The following GLIPR1 variants were observed in gnomAD, a reference collection of about 807,000 sequenced individuals.
GLIPR1 encodes the protein GLI pathogenesis related 1, also known as glioma pathogenesis-related protein 1.
Under a neutral mutation model 30.3 loss-of-function variants are expected in GLIPR1, and 38 were observed. The ratio of observed to expected loss-of-function variants is 1.26; its 90% CI spans 0.97 to 1.65. GLIPR1 has a LOEUF of 1.65. Among genes scored for constraint, GLIPR1 ranks in the 40% most tolerant of loss-of-function variants. The pLI is 0.00. For synonymous variants in GLIPR1, 122 were observed against 110.6 expected, an observed-to-expected ratio of 1.10 and a Z score of -0.65; for missense variants, 285 against 326.5, an observed-to-expected ratio of 0.87 and a Z score of 0.98.
chr12:75,485,929 G>A (rs2046292312), intron 2 of GLIPR1, among the ~76,000 whole-genome samples: 1 of 152,074 alleles, frequency 6.6e-6, no homozygotes, highest in South Asian at 2.1e-4. Context: ...AGCTCATACC[G>A]AGAATTGAAA....
chr12:75,498,450 T>C, intron 4 of GLIPR1: 1 of 375,714 alleles, frequency 2.7e-6, no homozygotes. Flanking sequence ...TGATTTTCCA[T>C]TTATAGTAAT....
intron 3 of GLIPR1, chr12:75,493,080 G>A (rs966284427): frequency 2.0e-5 from 3 of 152,106 alleles, no homozygotes; most frequent in Admixed American, 6.6e-5. Flanking sequence ...TGGTGCCCTC[G>A]GTCTGCTAAA....
chr12:75,481,691 C>T lies in GLIPR1; in HGVS notation c.175-143C>T, dbSNP rs1184807510. On this transcript the variant is annotated intron_variant, in intron 1 of 5. Coordinates refer to ENST00000266659, the MANE Select transcript of GLIPR1 (RefSeq NM_006851.3). ...CGTTTCCTACCAGCCCTACTCAGTG[C>T]TTGAAGACCATATTTATAGAGGACT... The T allele has an allele frequency of 6.9e-6, 5 of 719,932 alleles. No homozygotes were observed. The East Asian group carries it at 9.9e-5, about 14-fold the overall frequency. The allele number at this position is 719,932 out of a possible 1,614,324, so 44.6% of individuals were successfully genotyped here.
intron 2 of GLIPR1, among the ~76,000 whole-genome samples, chr12:75,490,170 T>A (rs536385214): frequency 6.7e-6 from 1 of 149,350 alleles, no homozygotes; most frequent in East Asian, 2.0e-4. Flanking sequence ...TATTTCTTCA[T>A]TGTACTGTCA....
In GLIPR1 at chr12:75,498,963, A is replaced by AG; in HGVS notation, c.787dup (p.Val263GlyfsTer28). 6.3e-7 allele frequency: 1 copy of AG among 1,597,532 alleles called. No individual in the cohort carries two copies. The highest frequency in any genetic ancestry group is 8.5e-7 in the Non-Finnish European group (1 of 1,173,488). ...TGGTACAGCACAAGTACCCTAATTT[A>AG]GTTCTTTTGGACTAATACAATTCAG... On this transcript the variant is annotated frameshift_variant, in exon 6 of 6. Coordinates refer to ENST00000266659, the MANE Select transcript of GLIPR1 (RefSeq NM_006851.3). LOFTEE classifies it high-confidence loss of function.
At chr12:75,496,738 G>T (rs2046353931) in intron 4 of GLIPR1, 1 of 152,128 alleles carries the variant, frequency 6.6e-6, no homozygotes, top group Admixed American at 6.5e-5. Flanking sequence ...ACGAAATTTA[G>T]TTTGGAAAAA....
intron 2 of GLIPR1, among the ~76,000 whole-genome samples, chr12:75,489,310 T>C (rs1359313837): frequency 6.6e-6 from 1 of 152,216 alleles, no homozygotes; most frequent in Non-Finnish European, 1.5e-5. Flanking sequence ...CCTACATCAC[T>C]GACCACTCCT....
intron 2 of GLIPR1, chr12:75,483,322 C>G (rs1012516544): frequency 8.5e-5 from 13 of 152,084 alleles, no homozygotes; most frequent in African/African-American, 3.1e-4. Flanking sequence ...TTTAAATACT[C>G]AGAAATAATT....
At chr12:75,496,661 C>CA (rs2046353418) in intron 4 of GLIPR1, 1 of 152,240 alleles carries the variant, frequency 6.6e-6, no homozygotes, top group Admixed American at 6.5e-5. Context: ...AAACTGAACT[C>CA]AGAGCAGCCG....
intron 3 of GLIPR1, chr12:75,493,163 G>T (rs2120543946): frequency 6.6e-6 from 1 of 152,314 alleles, no homozygotes; most frequent in Non-Finnish European, 1.5e-5. Flanking sequence ...GTTTACATAA[G>T]AAGTCATTCA....
intron 2 of GLIPR1, among the ~76,000 whole-genome samples, chr12:75,485,602 G>C (rs1234888853): frequency 6.7e-6 from 1 of 149,076 alleles, no homozygotes; most frequent in Non-Finnish European, 1.5e-5. Flanking sequence ...CCAGGCTGGA[G>C]TGCAGTGGCG....
intron 2 of GLIPR1, among the ~76,000 whole-genome samples, chr12:75,490,094 C>T (rs937674259): frequency 2.0e-5 from 3 of 151,940 alleles, no homozygotes; most frequent in African/African-American, 7.3e-5. Context: ...TCAAATGCTT[C>T]CTCTGAACAC....
At position 75,499,880 on chromosome 12, in the gene GLIPR1, C is replaced by G. The variant is rs2046379436; in HGVS notation, c.*902C>G. On this transcript the variant is annotated 3_prime_UTR_variant, in exon 6 of 6. Coordinates refer to ENST00000266659, the MANE Select transcript of GLIPR1 (RefSeq NM_006851.3). ...GCAATTTCTTCAGCTGTAAGAGCTCCCAGTTTCTTATTCTTTGCTTTCTTA... is the reference window on the plus strand; with the variant it reads ...GCAATTTCTTCAGCTGTAAGAGCTCGCAGTTTCTTATTCTTTGCTTTCTTA... The G allele has an allele frequency of 6.2e-7, 1 of 1,608,972 alleles. No individual in the cohort carries two copies. The highest frequency in any genetic ancestry group is 1.3e-5 in the African/African-American group (1 of 74,572).
In GLIPR1 at chr12:75,499,944, A is replaced by G; in HGVS notation, c.*966A>G. ...TGCTGGCCACATCAATTTTAGTTTC[A>G]GTAGAAGCTAGACAAATTAAAAGCA... On this transcript the variant is annotated 3_prime_UTR_variant, in exon 6 of 6. Transcript: ENST00000266659. The G allele has an allele frequency of 6.3e-7, 1 of 1,598,636 alleles. No individual in the cohort carries two copies.
Position 75,485,533 on chromosome 12 carries a change from T to TTTTTTTTA in GLIPR1, c.420+3457_420+3458insTTTTATTT, listed in dbSNP as rs1555239139. On this transcript the variant is annotated intron_variant, in intron 2 of 5. Coordinates refer to ENST00000266659, the MANE Select transcript of GLIPR1 (RefSeq NM_006851.3). Reference sequence around the variant, plus strand: ...TCCTCTCACCCTCTTGACAGCTTTATTTTATTTATTTATTTATTTATTTAT... The same window carrying TTTTTTTTA: ...TCCTCTCACCCTCTTGACAGCTTTATTTTTTTTATTTATTTATTTATTTATTTATTTAT... Among the ~76,000 whole-genome samples the TTTTTTTTA allele has an allele frequency of 5.3e-4, 59 of 110,498 alleles. No individual in the cohort carries two copies. In the East Asian group the frequency reaches 0.013, roughly 25 times the overall value. The allele number at this position is 110,498 out of a possible 152,430, so 72.5% of individuals were successfully genotyped here. A position where few individuals can be genotyped will look rare whatever the true frequency, so the allele number is the denominator to read the frequency against.
intron 2 of GLIPR1, among the ~76,000 whole-genome samples, chr12:75,487,993 C>T (rs2046301407): frequency 6.6e-6 from 1 of 152,136 alleles, no homozygotes; most frequent in Admixed American, 6.5e-5. Flanking sequence ...GGGTAACTTC[C>T]TGACGTTGCC....
At chr12:75,488,785 CTCA>C (rs1371041708) in intron 2 of GLIPR1, among the ~76,000 whole-genome samples, 1 of 152,164 alleles carries the variant, frequency 6.6e-6, no homozygotes, top group African/African-American at 2.4e-5. Flanking sequence ...CCAGCTCCAC[CTCA>C]TTTCTTCAGA....
rs779958589 is a variant in GLIPR1, at chr12:75,499,954, A to G, written c.*976A>G. ...ATCAATTTTAGTTTCAGTAGAAGCT[A>G]GACAAATTAAAAGCACAACACATGT... On this transcript the variant is annotated 3_prime_UTR_variant, in exon 6 of 6. Coordinates refer to ENST00000266659, the MANE Select transcript of GLIPR1 (RefSeq NM_006851.3). 1 of 1,589,840 alleles carries G rather than the reference A, an allele frequency of 6.3e-7. No individual in the cohort carries two copies. The highest frequency in any genetic ancestry group is 8.5e-7 in the Non-Finnish European group (1 of 1,172,936).
At position 75,482,416 on chromosome 12, in the gene GLIPR1, T is replaced by C. The variant is rs2046275502; in HGVS notation, c.420+337T>C. On this transcript the variant is annotated intron_variant, in intron 2 of 5. Transcript: ENST00000266659. ...TTCCAGCTGTAGCATGAGTTTTAAA[T>C]GAAATTTGAGCCAATTGTTTTGGGA... Among the ~76,000 whole-genome samples the C allele has an allele frequency of 2.6e-5, 4 of 152,198 alleles. No homozygotes were observed. In the South Asian group the frequency reaches 8.3e-4, roughly 31 times the overall value.
Sources: allele counts gnomAD v4.1 joint callset (sites outside exome capture counted in the v4.1 genomes callset), GRCh38; gene constraint gnomAD v4.1.1; transcripts MANE v1.5; gene names NCBI Gene and HGNC (gene_info 2026-07-23, HGNC 2026-07-21).